Variants in TRPM3 observed in about 807,000 individuals in gnomAD.
TRPM3 encodes the protein transient receptor potential cation channel subfamily M member 3.
Under a neutral mutation model 181.2 loss-of-function variants are expected in TRPM3, and 77 were observed. The ratio of observed to expected loss-of-function variants is 0.42; its 90% CI spans 0.35 to 0.51. The LOEUF (loss-of-function observed/expected upper bound fraction) is 0.51. Among genes scored for constraint, TRPM3 ranks in the 20% least tolerant of loss-of-function variants. The probability of loss-of-function intolerance (pLI) is 0.01; values close to 1 mark genes in which losing one functional copy is unlikely to be tolerated. For synonymous variants in TRPM3, 745 were observed against 796.4 expected (o/e 0.94, Z 1.09); for missense variants, 1,759 against 2,196.7 (o/e 0.80, Z 3.98).
At chr9:71,134,210 A>G (rs1035837085) in intron 1 of TRPM3, among the ~76,000 whole-genome samples, 4 of 152,202 alleles carry the variant, frequency 2.6e-5, no homozygotes, top group Non-Finnish European at 5.9e-5. Context: ...CTTCGGTTCC[A>G]TAATATAATC....
At chr9:71,137,476 T>C (rs1305697302) in intron 1 of TRPM3, among the ~76,000 whole-genome samples, 1 of 152,166 alleles carries the variant, frequency 6.6e-6, no homozygotes, top group Non-Finnish European at 1.5e-5. Context: ...CAAACAGAGT[T>C]TTGAAGATCC....
chr9:70,758,682 C>A (rs2077523881), intron 8 of TRPM3, among the ~76,000 whole-genome samples: 1 of 152,152 alleles, frequency 6.6e-6, no homozygotes, highest in Non-Finnish European at 1.5e-5. Context: ...TGCCACAAAT[C>A]TACAACGATC....
At chr9:71,214,561 G>A (rs1316901787) in intron 1 of TRPM3, among the ~76,000 whole-genome samples, 1 of 152,056 alleles carries the variant, frequency 6.6e-6, no homozygotes, top group African/African-American at 2.4e-5. Flanking sequence ...TTTTCTCTAT[G>A]ATGGCTCCAT....
intron 1 of TRPM3, among the ~76,000 whole-genome samples, chr9:71,241,383 A>G (rs564874111): frequency 6.6e-6 from 1 of 152,050 alleles, no homozygotes; most frequent in African/African-American, 2.4e-5. Flanking sequence ...ATTCTCAGCA[A>G]ACTATCGCAA....
chr9:70,535,878 A>T lies in TRPM3; in HGVS notation c.*75T>A. 6.6e-7 allele frequency: 1 copy of T among 1,522,534 alleles called. No homozygotes were observed. Among genetic ancestry groups the T allele is most frequent in the South Asian group, 1.3e-5 (1 of 75,090 alleles). The allele number at this position is 1,522,534 out of a possible 1,614,324, so 94.3% of individuals were successfully genotyped here. On this transcript the variant is annotated 3_prime_UTR_variant, in exon 26 of 26. Coordinates refer to ENST00000677713, the MANE Select transcript of TRPM3 (RefSeq NM_001366145.2). ...AGAATAAAGCAGGTATGATTCAAGG[A>T]AAGGGGAAAAACTGGAGTTGGAGAG... is the stretch of plus-strand genomic sequence containing the variant.
At chr9:70,980,714 G>T (rs2134017233) in intron 1 of TRPM3, among the ~76,000 whole-genome samples, 1 of 152,242 alleles carries the variant, frequency 6.6e-6, no homozygotes, top group South Asian at 2.1e-4. Flanking sequence ...AACACATACT[G>T]TCTTTAACTA....
chr9:71,445,260 G>C (rs1589055175), intron 1 of TRPM3, among the ~76,000 whole-genome samples: 1 of 152,266 alleles, frequency 6.6e-6, no homozygotes, highest in East Asian at 1.9e-4. Context: ...CTATTAAAAA[G>C]AGGATTGAAT....
intron 1 of TRPM3, among the ~76,000 whole-genome samples, chr9:71,250,415 C>T (rs1390352602): frequency 2.0e-5 from 3 of 152,072 alleles, no homozygotes; most frequent in Non-Finnish European, 2.9e-5. Flanking sequence ...GGACCATCTT[C>T]GTTGGACTGG....
chr9:70,630,232 T>A (rs2065555826), intron 12 of TRPM3, among the ~76,000 whole-genome samples: 1 of 152,172 alleles, frequency 6.6e-6, no homozygotes, highest in East Asian at 1.9e-4. Flanking sequence ...GTACCTCGGT[T>A]TATGCTGTGA....
In TRPM3 at chr9:70,805,407, G is replaced by A. The variant is rs187465734; in HGVS notation, c.974-21128C>T. On this transcript the variant is annotated intron_variant, in intron 6 of 25. Coordinates refer to ENST00000677713, the MANE Select transcript of TRPM3 (RefSeq NM_001366145.2). ...AAATTAGCCGGGCATAGTGGCGGGC[G>A]CCTGTAGTCCCAGCTACTCGGGAGG... is the stretch of plus-strand genomic sequence containing the variant. Among the ~76,000 whole-genome samples, 1,009 of 151,464 alleles carry A rather than the reference G, an allele frequency of 6.7e-3. 9 individuals carry two copies. The highest frequency in any genetic ancestry group is 0.022 in the African/African-American group (918 of 41,394).
At chr9:71,287,893 A>G (rs928366803) in intron 1 of TRPM3, among the ~76,000 whole-genome samples, 8 of 152,078 alleles carry the variant, frequency 5.3e-5, no homozygotes, top group African/African-American at 1.7e-4. Context: ...TGAGGTAGCA[A>G]TTCTTATTAA....
intron 1 of TRPM3, among the ~76,000 whole-genome samples, chr9:71,069,879 A>G (rs1483257919): frequency 1.3e-5 from 2 of 152,154 alleles, no homozygotes; most frequent in Non-Finnish European, 2.9e-5. Flanking sequence ...AAGTGCTGGG[A>G]CTACAGGCGT....
intron 1 of TRPM3, among the ~76,000 whole-genome samples, chr9:71,207,280 C>A (rs1233215380): frequency 6.6e-6 from 1 of 152,090 alleles, no homozygotes; most frequent in African/African-American, 2.4e-5. Context: ...CATATTTCAT[C>A]ATTTTAAATG....
chr9:71,135,791 C>T (rs867121405), intron 1 of TRPM3, among the ~76,000 whole-genome samples: 1 of 152,006 alleles, frequency 6.6e-6, no homozygotes, highest in African/African-American at 2.4e-5. Flanking sequence ...GCAAAAAAAA[C>T]CCCCAGCAAA....
intron 14 of TRPM3, among the ~76,000 whole-genome samples, chr9:70,623,857 T>C (rs1419090516): frequency 1.5e-5 from 2 of 133,848 alleles, no homozygotes; most frequent in Non-Finnish European, 3.4e-5. Flanking sequence ...TTGGATTGTA[T>C]TATAGCCACT....
chr9:71,374,835 C>T (rs1308692003), intron 1 of TRPM3, among the ~76,000 whole-genome samples: 2 of 152,084 alleles, frequency 1.3e-5, no homozygotes, highest in Non-Finnish European at 2.9e-5. Flanking sequence ...TGAATGAACG[C>T]CCATTCACAA....
intron 1 of TRPM3, among the ~76,000 whole-genome samples, chr9:71,186,564 T>C (rs1376082927): frequency 5.3e-5 from 8 of 151,994 alleles, no homozygotes; most frequent in Non-Finnish European, 7.4e-5. Context: ...TGTCCAAAGA[T>C]GCACTGTATG....
chr9:70,651,452 G>A (rs1344671439), intron 9 of TRPM3, among the ~76,000 whole-genome samples: 1 of 152,112 alleles, frequency 6.6e-6, no homozygotes, highest in Non-Finnish European at 1.5e-5. Context: ...TGTAAGCATG[G>A]CTTATCTGAC....
In TRPM3 at chr9:70,620,245, A is replaced by G; in HGVS notation, c.1960T>C (p.Trp654Arg). The G allele has an allele frequency of 6.2e-7, 1 of 1,614,196 alleles. No homozygotes were observed. Among genetic ancestry groups the G allele is most frequent in the Non-Finnish European group, 8.5e-7 (1 of 1,180,028 alleles). Reference sequence around the variant, plus strand: ...TTCTGCCGCTTCATGAGAACAGCCCACACCATGAGCTCATGGAAAGGGAAG... The same window carrying G: ...TTCTGCCGCTTCATGAGAACAGCCCGCACCATGAGCTCATGGAAAGGGAAG... The part of the protein sequence containing the change: ...FPFPFHELMV[W>R]AVLMKRQKMA... Residue 654 changes from tryptophan (W) to arginine (R), a missense_variant, in exon 16 of 26, where the codon TGG becomes CGG. Around this residue, in one of 8 missense-constraint regions of TRPM3, gnomAD observed 737 missense variants for 957.4 expected, o/e 0.77. Transcript: ENST00000677713.
Sources: allele counts gnomAD v4.1 joint callset (sites outside exome capture counted in the v4.1 genomes callset), GRCh38; gene constraint gnomAD v4.1.1; regional missense constraint gnomAD v4.1.1; transcripts MANE v1.5; gene names NCBI Gene and HGNC (gene_info 2026-07-23, HGNC 2026-07-21).